Variants in LRP5 observed in about 807,000 individuals in gnomAD.
LRP5 encodes the protein LDL receptor related protein 5, also known as low-density lipoprotein receptor-related protein 5.
In LRP5, 62 loss-of-function variants were observed where a neutral mutation model predicts 154.1. The observed-to-expected ratio is 0.40, with a 90% CI of 0.33 to 0.50. The LOEUF (loss-of-function observed/expected upper bound fraction) is 0.50, where lower values mean the gene tolerates loss of function less well. Among genes scored for constraint, LRP5 ranks in the 20% least tolerant of loss-of-function variants. The pLI, the probability that LRP5 is intolerant of heterozygous loss-of-function variation, is 0.55. For synonymous variants in LRP5, 966 were observed against 1,011.5 expected (o/e 0.96, Z 0.85); for missense variants, 1,915 against 2,336.7 (o/e 0.82, Z 3.72).
At chr11:68,411,353 G>A in intron 10 of LRP5, 83 bp from the exon 11 acceptor site, 1 of 1,464,848 alleles carries the variant, frequency 6.8e-7, no homozygotes. Context: ...GAAGAGGTGG[G>A]GACAGTTGCG....
At chr11:68,309,704 T>C (rs1357657439), upstream of LRP5, among the ~76,000 whole-genome samples, 1 of 152,182 alleles carries the variant, frequency 6.6e-6, no homozygotes, top group African/African-American at 2.4e-5. Context: ...ACTTGAACTT[T>C]GGGCCAGTTG....
chr11:68,401,018 C>A (rs74385749), intron 7 of LRP5, among the ~76,000 whole-genome samples: 20 of 152,328 alleles, frequency 1.3e-4, no homozygotes, highest in Non-Finnish European at 2.8e-4. Flanking sequence ...GTCCCTCCCC[C>A]AGCCCTGTTA....
chr11:68,401,060 C>T (rs925129973), intron 7 of LRP5, among the ~76,000 whole-genome samples: 7 of 152,174 alleles, frequency 4.6e-5, no homozygotes, highest in African/African-American at 7.2e-5. Context: ...AGGGTTCGCC[C>T]GCTACTGTGA....
chr11:68,311,386 G>A (rs936686105), upstream of LRP5, among the ~76,000 whole-genome samples: 1 of 152,094 alleles, frequency 6.6e-6, no homozygotes, highest in Admixed American at 6.5e-5. Flanking sequence ...CGCCTCCTCC[G>A]TGGATGTCTG....
Position 68,406,555 on chromosome 11 carries a change from G to T in LRP5, c.1833G>T (p.Gly611=). The stretch of plus-strand genomic sequence containing the variant: ...ACCCGTGTGCGGACAGGAACGGGGG[G>T]TGCAGCCACCTGTGCTTCTTCACAC... ...GTNPCADRNG[G]CSHLCFFTPH... is the part of the protein sequence containing the mutation. Residue 611 remains glycine (G), a synonymous_variant, in exon 9 of 23, where the codon GGG becomes GGT. Transcript: ENST00000294304. The T allele has an allele frequency of 6.2e-7, 1 of 1,614,146 alleles. No homozygotes were observed. Among genetic ancestry groups the T allele is most frequent in the South Asian group, 1.1e-5 (1 of 91,078 alleles).
At chr11:68,344,201 G>T (rs1013756907) in intron 1 of LRP5, among the ~76,000 whole-genome samples, 2 of 152,196 alleles carry the variant, frequency 1.3e-5, no homozygotes, top group African/African-American at 4.8e-5. Context: ...ACCTGTTTGG[G>T]GCAGGCAGGG....
At chr11:68,307,766 C>T (rs535919012), upstream of LRP5, among the ~76,000 whole-genome samples, 1,044 of 152,058 alleles carry the variant, frequency 6.9e-3, 14 homozygotes, top group African/African-American at 0.024. Context: ...TGTAGTGAGC[C>T]GTAATCACAC....
In LRP5 at chr11:68,413,799, G is replaced by A. The variant is rs747416148; in HGVS notation, c.2614G>A (p.Asp872Asn). 1.1e-5 allele frequency: 17 copies of A among 1,613,396 alleles called. No individual in the cohort carries two copies. The highest frequency in any genetic ancestry group is 4.5e-5 in the East Asian group (2 of 44,882). ...DWNLHSIERADKTSGRNRTLI... is the reference protein window; with the variant it reads ...DWNLHSIERANKTSGRNRTLI... ...GAATCTGCACAGCATTGAGCGGGCC[G>A]ACAAGACTAGCGGCCGGAACCGCAC... The change falls in exon 12 of 23, where the codon GAC (aspartate) becomes AAC (asparagine). Residue 872 changes from aspartate (D) to asparagine (N), a missense_variant. Asp to Asn is a conservative substitution (Grantham distance 23). Transcript: ENST00000294304. The surrounding 1 kb of genome is among the most constrained non-coding windows in gnomAD (Gnocchi z 5.1).
intron 5 of LRP5, among the ~76,000 whole-genome samples, chr11:68,371,960 A>G (rs1401506472): frequency 2.0e-5 from 3 of 152,198 alleles, no homozygotes; most frequent in South Asian, 2.1e-4. Flanking sequence ...CCTCCAGGCT[A>G]TGGGTTGGTG....
At chr11:68,303,166 C>T in the LRP5 span, among the ~76,000 whole-genome samples, 1 of 152,170 alleles carries the variant, frequency 6.6e-6, no homozygotes, top group Non-Finnish European at 1.5e-5. Context: ...GGATCTTGCT[C>T]TGTTGCCCAA....
chr11:68,322,511 G>A lies in LRP5; in HGVS notation c.91+9706G>A, dbSNP rs184669266. 2.5e-3 allele frequency among the ~76,000 whole-genome samples: 384 copies of A among 152,354 alleles called. 2 individuals are homozygous for A. Among genetic ancestry groups the A allele is most frequent in the Admixed American group, 4.6e-3 (71 of 15,308 alleles). On this transcript the variant is annotated intron_variant, in intron 1 of 22. Transcript: ENST00000294304. Reference sequence around the variant, plus strand: ...ACTTTTTGGCCTGGCAGGCCGTGCCGCCCTGAGCAGACCTGCCCATCTTCT... The same window carrying A: ...ACTTTTTGGCCTGGCAGGCCGTGCCACCCTGAGCAGACCTGCCCATCTTCT...
chr11:68,316,257 C>T lies in LRP5; in HGVS notation c.91+3452C>T, dbSNP rs147417391. Among the ~76,000 whole-genome samples the T allele has an allele frequency of 4.3e-3, 657 of 152,196 alleles. 6 individuals carry two copies. The highest frequency in any genetic ancestry group is 0.014 in the African/African-American group (594 of 41,494). On this transcript the variant is annotated intron_variant, in intron 1 of 22. Coordinates refer to ENST00000294304, the MANE Select transcript of LRP5 (RefSeq NM_002335.4). The stretch of plus-strand genomic sequence containing the variant: ...TTCAGGAGTCATCCAAGTAGTACCA[C>T]GTATGGGTGTTTCAGCCTTTTATTT...
At chr11:68,323,911 C>T (rs1411299056) in intron 1 of LRP5, among the ~76,000 whole-genome samples, 5 of 152,332 alleles carry the variant, frequency 3.3e-5, no homozygotes, top group East Asian at 3.9e-4. Flanking sequence ...TCCTGGGTCC[C>T]GGCTGTGCCT....
chr11:68,393,706 G>C (rs147188702), intron 7 of LRP5, among the ~76,000 whole-genome samples: 52 of 152,152 alleles, frequency 3.4e-4, no homozygotes, highest in African/African-American at 1.2e-3. Flanking sequence ...ACTTGAACCC[G>C]GGAGGCAGAG....
upstream of LRP5, among the ~76,000 whole-genome samples, chr11:68,309,358 G>A (rs2098586272): frequency 6.6e-6 from 1 of 151,656 alleles, no homozygotes; most frequent in Admixed American, 6.6e-5. Flanking sequence ...TCAGCCTCCC[G>A]AGTAGCTGGG....
chr11:68,407,079 C>T (rs1405128340), intron 9 of LRP5, among the ~76,000 whole-genome samples: 2 of 152,096 alleles, frequency 1.3e-5, no homozygotes, highest in Non-Finnish European at 2.9e-5. Flanking sequence ...TCAGACACCC[C>T]ACCCACTCCC....
At chr11:68,317,564 G>T (rs1591166495) in intron 1 of LRP5, among the ~76,000 whole-genome samples, 1 of 152,256 alleles carries the variant, frequency 6.6e-6, no homozygotes, top group Admixed American at 6.5e-5. Flanking sequence ...TGGGTTGGGG[G>T]TGGGGGGAGC....
intron 5 of LRP5, among the ~76,000 whole-genome samples, chr11:68,367,466 C>G (rs1424672597): frequency 8.5e-5 from 13 of 152,218 alleles, no homozygotes. Flanking sequence ...AGGACGCTGC[C>G]TGCTCCCTGG....
chr11:68,411,304 C>T (rs1273777565), intron 10 of LRP5, 132 bp from the exon 11 acceptor site: 2 of 915,144 alleles, frequency 2.2e-6, no homozygotes, highest in Non-Finnish European at 3.3e-6. Context: ...TTCCCTGCTT[C>T]CTGCGCGTGG....
Sources: allele counts gnomAD v4.1 joint callset (sites outside exome capture counted in the v4.1 genomes callset), GRCh38; gene constraint gnomAD v4.1.1; non-coding constraint Gnocchi (gnomAD v3.1); transcripts MANE v1.5; gene names NCBI Gene and HGNC (gene_info 2026-07-23, HGNC 2026-07-21).